ARID5B: variants seen among roughly 807,000 people sequenced by gnomAD.
The protein encoded by ARID5B is AT-rich interactive domain-containing protein 5B.
In ARID5B, 13 loss-of-function variants were observed where a neutral mutation model predicts 97.2. That is an observed-to-expected ratio of 0.13 (90% CI 0.09 to 0.21). The LOEUF is 0.21. Ranked by LOEUF, ARID5B falls within the 10% of genes least tolerant of loss-of-function variation. The pLI is 1.00. For synonymous variants in ARID5B, 556 were observed against 570.3 expected (o/e 0.97, Z 0.36); for missense variants, 1,210 against 1,465.3 (o/e 0.83, Z 2.84).
chr10:61,930,588 C>T (rs1411770495), intron 2 of ARID5B, among the ~76,000 whole-genome samples: 14 of 151,784 alleles, frequency 9.2e-5, no homozygotes, highest in Middle Eastern at 3.2e-3. Context: ...GGTGTGATGG[C>T]GGGCACCTGT....
At chr10:61,909,034 C>T (rs1037227815) in intron 2 of ARID5B, among the ~76,000 whole-genome samples, 3 of 152,126 alleles carry the variant, frequency 2.0e-5, no homozygotes, top group Non-Finnish European at 2.9e-5. Context: ...TTCCTGGACA[C>T]ATATTTGTAG....
chr10:62,087,126 C>T lies in ARID5B; in HGVS notation c.1398+1226C>T, dbSNP rs187894387. On this transcript the variant is annotated intron_variant, in intron 9 of 9. Transcript: ENST00000279873. ...CATCCTGGCTAATACGGTAAAACCC[C>T]GTCTCTACTAAAAATACAAAAAATT... Among the ~76,000 whole-genome samples, 1,057 of 151,464 alleles carry T rather than the reference C, an allele frequency of 7.0e-3. 4 individuals are homozygous for T. Among genetic ancestry groups the T allele is most frequent in the Non-Finnish European group, 0.011 (722 of 67,828 alleles).
intron 4 of ARID5B, among the ~76,000 whole-genome samples, chr10:62,020,872 T>C (rs916853541): frequency 2.6e-5 from 4 of 151,854 alleles, no homozygotes; most frequent in Non-Finnish European, 4.4e-5. Context: ...TACATTTTGT[T>C]AAGTGTAAAA....
At chr10:61,997,849 A>G (rs1365763694) in intron 3 of ARID5B, among the ~76,000 whole-genome samples, 2 of 152,186 alleles carry the variant, frequency 1.3e-5, no homozygotes, top group African/African-American at 4.8e-5. Context: ...TTTCACTAAA[A>G]CTTTTTGTGC....
At position 61,930,722 on chromosome 10, in the gene ARID5B, A is replaced by AAAAAAAATAAATAAATAAAT. The variant is rs368165490; in HGVS notation, c.277-9458_277-9457insAAAATAAATAAATAAATAAA. Among the ~76,000 whole-genome samples the AAAAAAAATAAATAAATAAAT allele has an allele frequency of 2.6e-4, 36 of 140,438 alleles. 2 individuals carry two copies. The highest frequency in any genetic ancestry group is 2.3e-3 in the Admixed American group (32 of 13,968). The allele number at this position is 140,438 out of a possible 152,430, so 92.1% of individuals were successfully genotyped here. A position where few individuals can be genotyped will look rare whatever the true frequency, so the allele number is the denominator to read the frequency against. ...GCGACAGAGCGAGACTCCGCCTCAA[A>AAAAAAAATAAATAAATAAAT]AAATAAATAAATAAATAAATAAATA... On this transcript the variant is annotated intron_variant, in intron 2 of 9. Coordinates refer to ENST00000279873, the MANE Select transcript of ARID5B (RefSeq NM_032199.3).
intron 3 of ARID5B, among the ~76,000 whole-genome samples, chr10:61,968,677 T>C (rs933015054): frequency 6.6e-6 from 1 of 152,204 alleles, no homozygotes; most frequent in African/African-American, 2.4e-5. Flanking sequence ...CCATTTATGA[T>C]ACAGTGCCCT....
intron 2 of ARID5B, among the ~76,000 whole-genome samples, chr10:61,917,310 G>A (rs1843926757): frequency 6.6e-6 from 1 of 151,968 alleles, no homozygotes; most frequent in Non-Finnish European, 1.5e-5. Flanking sequence ...TGTGATTTTA[G>A]TTGACCATTC....
At chr10:61,921,768 A>T (rs1359490612) in intron 2 of ARID5B, among the ~76,000 whole-genome samples, 1 of 152,182 alleles carries the variant, frequency 6.6e-6, no homozygotes, top group Non-Finnish European at 1.5e-5. Context: ...TGTACAGCTC[A>T]TCTGATGAGG....
rs1039505210 is a variant in ARID5B at position 62,093,135 on chromosome 10, G to A, written c.*105G>A. The A allele has an allele frequency of 3.4e-6, 5 of 1,478,348 alleles. No homozygotes were observed. In the African/African-American group the frequency reaches 5.6e-5, roughly 17 times the overall value. 91.6% of individuals were successfully genotyped at this position (1,478,348 alleles called of 1,614,324 possible). ...TAGAAGTCAGTATTTCTTCTAATCT[G>A]AGGCTATGATCAGTCCCAGCTGTAG... On this transcript the variant is annotated 3_prime_UTR_variant, in exon 10 of 10. Coordinates refer to ENST00000279873, the MANE Select transcript of ARID5B (RefSeq NM_032199.3).
chr10:62,092,997 G>A lies in ARID5B; in HGVS notation c.3534G>A (p.Gln1178=), dbSNP rs1280694372. 6 of 1,612,312 alleles carry A rather than the reference G, an allele frequency of 3.7e-6. No individual in the cohort carries two copies. In the South Asian group the frequency reaches 6.6e-5, roughly 18 times the overall value. ...INPQAAFPSS[Q]LSSVHPSTKL ...CTCAAGCTGCCTTTCCATCTTCCCA[G>A]CTGTCATCCGTGCACCCCAGTACAA... Residue 1178 remains glutamine, a synonymous_variant, in exon 10 of 10, where the codon CAG becomes CAA. Coordinates refer to ENST00000279873, the MANE Select transcript of ARID5B (RefSeq NM_032199.3).
At chr10:61,921,546 G>A (rs1416736756) in intron 2 of ARID5B, among the ~76,000 whole-genome samples, 2 of 152,204 alleles carry the variant, frequency 1.3e-5, no homozygotes, top group Non-Finnish European at 2.9e-5. Flanking sequence ...CAGAGTGTAA[G>A]GTGTAGGAAT....
chr10:62,065,377 T>C (rs1212900126), intron 7 of ARID5B, among the ~76,000 whole-genome samples: 1 of 152,192 alleles, frequency 6.6e-6, no homozygotes, highest in Admixed American at 6.5e-5. Context: ...TCTCACACTC[T>C]ACCCTCCCTC....
At position 62,094,178 on chromosome 10, in the gene ARID5B, C is replaced by T. The variant is rs550384253; in HGVS notation, c.*1148C>T. ...GGAATTTCAGAAATTAGAACAGGAGCCAAAATGATTTACATTGGCGTTGGC... is the reference window on the plus strand; with the variant it reads ...GGAATTTCAGAAATTAGAACAGGAGTCAAAATGATTTACATTGGCGTTGGC... On this transcript the variant is annotated 3_prime_UTR_variant, in exon 10 of 10. Transcript: ENST00000279873. 2.1e-5 allele frequency: 5 copies of T among 232,826 alleles called. No homozygotes were observed. In the East Asian group the frequency reaches 3.0e-4, roughly 14 times the overall value. 14.4% of individuals were successfully genotyped at this position (232,826 alleles called of 1,614,324 possible). A position where few individuals can be genotyped will look rare whatever the true frequency, so the allele number is the denominator to read the frequency against.
chr10:61,980,569 G>A (rs909185364), intron 3 of ARID5B, among the ~76,000 whole-genome samples: 2 of 152,278 alleles, frequency 1.3e-5, no homozygotes, highest in Non-Finnish European at 2.9e-5. Context: ...AATGTTTCAC[G>A]TTAAACCAGT....
intron 8 of ARID5B, among the ~76,000 whole-genome samples, chr10:62,075,785 C>T (rs945935119): frequency 6.6e-6 from 1 of 152,184 alleles, no homozygotes; most frequent in Non-Finnish European, 1.5e-5. Context: ...TCTCAGGATG[C>T]GGGCAGTGTC....
chr10:61,918,117 G>A (rs1843942792), intron 2 of ARID5B, among the ~76,000 whole-genome samples: 2 of 152,214 alleles, frequency 1.3e-5, no homozygotes, highest in South Asian at 4.1e-4. Flanking sequence ...GGTAGACTGA[G>A]GCCAGACTGC....
At chr10:62,083,740 A>C (rs1328382817) in intron 8 of ARID5B, among the ~76,000 whole-genome samples, 2 of 152,250 alleles carry the variant, frequency 1.3e-5, no homozygotes, top group African/African-American at 4.8e-5. Context: ...TCAATTTAAA[A>C]TATCTTTCCA....
chr10:62,035,366 G>A (rs975947211), intron 4 of ARID5B, among the ~76,000 whole-genome samples: 1 of 152,208 alleles, frequency 6.6e-6, no homozygotes, highest in African/African-American at 2.4e-5. Context: ...CTACTATAAT[G>A]ATGCTACAGT....
rs774332703 is a variant in ARID5B at position 62,092,793 on chromosome 10, T to C, written c.3330T>C (p.Thr1110=). The change falls in exon 10 of 10, where the codon ACT becomes ACC. Residue 1110 remains threonine, a synonymous_variant. Coordinates refer to ENST00000279873, the MANE Select transcript of ARID5B (RefSeq NM_032199.3). ...CTCTGCAGTACTTGAAAAACCAGACTGTGCTTTCTCCACTCATGCAGCCCC... is the reference window on the plus strand; with the variant it reads ...CTCTGCAGTACTTGAAAAACCAGACCGTGCTTTCTCCACTCATGCAGCCCC... ...SHSLQYLKNQ[T]VLSPLMQPLA... is the part of the protein sequence containing the mutation. The C allele has an allele frequency of 6.2e-6, 10 of 1,614,190 alleles. No homozygotes were observed. The East Asian group carries it at 1.6e-4, about 25-fold the overall frequency.
Sources: allele counts gnomAD v4.1 joint callset (sites outside exome capture counted in the v4.1 genomes callset), GRCh38; gene constraint gnomAD v4.1.1; transcripts MANE v1.5; gene names NCBI Gene and HGNC (gene_info 2026-07-23, HGNC 2026-07-21).